The following PAK5 variants were observed in gnomAD, a reference collection of about 807,000 sequenced individuals.
PAK5 encodes serine/threonine-protein kinase PAK 5.
In PAK5, 16 loss-of-function variants were observed where a neutral mutation model predicts 65.9. That is an observed-to-expected ratio of 0.24 (90% CI 0.16 to 0.37). The LOEUF (loss-of-function observed/expected upper bound fraction) is 0.37. Ranked by LOEUF, PAK5 falls within the 10% of genes least tolerant of loss-of-function variation. The pLI is 1.00. For missense variants in PAK5, 785 were observed against 903.9 expected, an observed-to-expected ratio of 0.87 and a Z score of 1.69; for synonymous variants, 371 against 354.9, an observed-to-expected ratio of 1.05 and a Z score of -0.51.
intron 2 of PAK5, among the ~76,000 whole-genome samples, chr20:9,698,531 G>A (rs956722284): frequency 2.0e-5 from 3 of 152,172 alleles, no homozygotes; most frequent in African/African-American, 7.2e-5. Context: ...TCTAAGGAAT[G>A]TTTGCAGACA....
intron 1 of PAK5, among the ~76,000 whole-genome samples, chr20:9,807,579 C>T (rs2049247900): frequency 6.6e-6 from 1 of 151,922 alleles, no homozygotes; most frequent in African/African-American, 2.4e-5. Context: ...TTTACAGCTG[C>T]AAAAAGTTGA....
rs554768006 is a variant in PAK5, at chr20:9,602,810, T to A, written c.205-21880A>T. 5.3e-5 allele frequency among the ~76,000 whole-genome samples: 8 copies of A among 152,336 alleles called. No individual in the cohort carries two copies. The South Asian group carries it at 1.7e-3, about 32-fold the overall frequency. ...GAACTGAATCCAAGGATATTCCCCA[T>A]CTTGCCTGAACTGTACATGTAACAG... On this transcript the variant is annotated intron_variant, in intron 3 of 9. Coordinates refer to ENST00000353224, the MANE Select transcript of PAK5 (RefSeq NM_177990.4).
intron 3 of PAK5, among the ~76,000 whole-genome samples, chr20:9,603,120 T>C (rs1266282614): frequency 6.6e-6 from 1 of 152,198 alleles, no homozygotes; most frequent in Non-Finnish European, 1.5e-5. Context: ...AATGGTGCCC[T>C]GGAGGGGAAA....
chr20:9,678,826 T>C (rs1008695066), intron 2 of PAK5, among the ~76,000 whole-genome samples: 3 of 152,112 alleles, frequency 2.0e-5, no homozygotes, highest in African/African-American at 7.2e-5. Flanking sequence ...GCCCCCATGA[T>C]TAAATTACCT....
intron 1 of PAK5, among the ~76,000 whole-genome samples, chr20:9,787,983 T>TA (rs1555926930): frequency 6.6e-6 from 1 of 150,600 alleles, no homozygotes; most frequent in Non-Finnish European, 1.5e-5. Flanking sequence ...CTGTGTGTGT[T>TA]GGGGGGGGTA....
intron 1 of PAK5, among the ~76,000 whole-genome samples, chr20:9,794,717 T>G (rs928890335): frequency 6.6e-6 from 1 of 152,124 alleles, no homozygotes; most frequent in Non-Finnish European, 1.5e-5. Context: ...TGAGTTTCCC[T>G]GTTTTTGGAA....
At chr20:9,796,080 C>A (rs2049101412) in intron 1 of PAK5, among the ~76,000 whole-genome samples, 1 of 151,992 alleles carries the variant, frequency 6.6e-6, no homozygotes, top group East Asian at 1.9e-4. Context: ...ATTCAGTCCC[C>A]CAACAAATAC....
At position 9,838,144 on chromosome 20, in the gene PAK5, G is replaced by C. The variant is rs910473341; in HGVS notation, c.-162+618C>G. 6.6e-6 allele frequency among the ~76,000 whole-genome samples: 1 copy of C among 151,736 alleles called. No individual in the cohort carries two copies. The highest frequency in any genetic ancestry group is 1.5e-5 in the Non-Finnish European group (1 of 68,006). ...CTGCTCACAAGGGTGCCCACAAGCA[G>C]AAGTTCTCTCTCTGTCTCTCCATTA... On this transcript the variant is annotated intron_variant, in intron 1 of 9. Coordinates refer to ENST00000353224, the MANE Select transcript of PAK5 (RefSeq NM_177990.4). This position sits in a 1 kb window ranked among gnomAD's most constrained non-coding sequence, Gnocchi z 4.5.
chr20:9,615,437 A>G (rs1044784169), intron 3 of PAK5, among the ~76,000 whole-genome samples: 7 of 152,122 alleles, frequency 4.6e-5, no homozygotes, highest in African/African-American at 1.7e-4. Flanking sequence ...GGCATATGGA[A>G]ATCTCTGTAC....
chr20:9,742,273 G>A lies in PAK5; in HGVS notation c.-161-30838C>T, dbSNP rs542639621. Among the ~76,000 whole-genome samples, 8 of 152,168 alleles carry A rather than the reference G, an allele frequency of 5.3e-5. No homozygotes were observed. The South Asian group carries it at 8.3e-4, about 16-fold the overall frequency. On this transcript the variant is annotated intron_variant, in intron 1 of 9. Coordinates refer to ENST00000353224, the MANE Select transcript of PAK5 (RefSeq NM_177990.4). ...TGTACACTGCTTCTTCTATGCAAAAGCCAAATAAAAAGTGAAAGAAAATTG... is the reference window on the plus strand; with the variant it reads ...TGTACACTGCTTCTTCTATGCAAAAACCAAATAAAAAGTGAAAGAAAATTG...
At chr20:9,768,108 T>A (rs1298101357) in intron 1 of PAK5, among the ~76,000 whole-genome samples, 2 of 152,202 alleles carry the variant, frequency 1.3e-5, no homozygotes, top group Admixed American at 6.6e-5. Context: ...TTTATTTTTT[T>A]AATTTTTGAT....
chr20:9,762,151 T>C (rs1249493612), intron 1 of PAK5, among the ~76,000 whole-genome samples: 1 of 152,154 alleles, frequency 6.6e-6, no homozygotes, highest in African/African-American at 2.4e-5. Flanking sequence ...CACTTGAAGA[T>C]GTAAAACTCC....
chr20:9,768,072 C>T (rs534042260), intron 1 of PAK5, among the ~76,000 whole-genome samples: 1 of 152,192 alleles, frequency 6.6e-6, no homozygotes, highest in Non-Finnish European at 1.5e-5. Flanking sequence ...CAATTAGACA[C>T]CAAAACTGAA....
intron 3 of PAK5, among the ~76,000 whole-genome samples, chr20:9,615,337 T>C (rs1313020891): frequency 6.6e-6 from 1 of 152,180 alleles, no homozygotes; most frequent in Non-Finnish European, 1.5e-5. Context: ...GATAATGACG[T>C]GTCCATGGAG....
intron 1 of PAK5, among the ~76,000 whole-genome samples, chr20:9,796,115 T>C (rs939215337): frequency 1.3e-5 from 2 of 152,040 alleles, no homozygotes; most frequent in African/African-American, 4.8e-5. Context: ...TGAGCCAGAC[T>C]GGGAATTTAG....
At position 9,609,747 on chromosome 20, in the gene PAK5, A is replaced by C. The variant is rs1342235525; in HGVS notation, c.205-28817T>G. On this transcript the variant is annotated intron_variant, in intron 3 of 9. Coordinates refer to ENST00000353224, the MANE Select transcript of PAK5 (RefSeq NM_177990.4). ...ATTTTGACAAATTTTCAATTTTAGG[A>C]ATTTGGAAACTTTGGCCTGTATATT... Among the ~76,000 whole-genome samples, 14 of 152,348 alleles carry C rather than the reference A, an allele frequency of 9.2e-5. No individual in the cohort carries two copies. In the East Asian group the frequency reaches 2.5e-3, roughly 27 times the overall value.
chr20:9,668,899 C>A (rs998464481), intron 2 of PAK5, among the ~76,000 whole-genome samples: 1 of 152,316 alleles, frequency 6.6e-6, no homozygotes, highest in East Asian at 1.9e-4. Flanking sequence ...GAGGAGCCTG[C>A]ATGCAGATCA....
chr20:9,724,535 G>T (rs1323597928), intron 1 of PAK5, among the ~76,000 whole-genome samples: 1 of 152,172 alleles, frequency 6.6e-6, no homozygotes, highest in Non-Finnish European at 1.5e-5. Context: ...TATCAAATAA[G>T]AATTTTTAAC....
In PAK5 at chr20:9,539,438, T is replaced by C; in HGVS notation, c.*24A>G. 2 of 1,610,256 alleles carry C rather than the reference T, an allele frequency of 1.2e-6. No individual in the cohort carries two copies. On this transcript the variant is annotated 3_prime_UTR_variant, in exon 10 of 10. Transcript: ENST00000353224. ...ATTATTCTCATGTCCTCATCTAGCT[T>C]TGCCACCTACACGAATCCTCTGCTC...
Sources: allele counts gnomAD v4.1 joint callset (sites outside exome capture counted in the v4.1 genomes callset), GRCh38; gene constraint gnomAD v4.1.1; non-coding constraint Gnocchi (gnomAD v3.1); transcripts MANE v1.5; gene names NCBI Gene and HGNC (gene_info 2026-07-23, HGNC 2026-07-21).